CSMD3: variants seen among roughly 807,000 people sequenced by gnomAD.
CSMD3 encodes CUB and Sushi multiple domains 3.
CSMD3 carries 177 observed loss-of-function variants against 435.2 expected under a neutral mutation model. The ratio of observed to expected loss-of-function variants is 0.41; its 90% CI spans 0.36 to 0.46. The LOEUF (loss-of-function observed/expected upper bound fraction) is 0.46, where lower values mean the gene tolerates loss of function less well. Among genes scored for constraint, CSMD3 ranks in the 20% least tolerant of loss-of-function variants. CSMD3 has a pLI of 0.34. For synonymous variants in CSMD3, 1,656 were observed against 1,520.5 expected, an observed-to-expected ratio of 1.09 and a Z score of -2.07; for missense variants, 4,265 against 4,504.6, an observed-to-expected ratio of 0.95 and a Z score of 1.52.
intron 1 of CSMD3, among the ~76,000 whole-genome samples, chr8:113,432,661 G>C (rs2094681851): frequency 6.6e-6 from 1 of 152,174 alleles, no homozygotes; most frequent in Non-Finnish European, 1.5e-5. Flanking sequence ...CCCACTCGTT[G>C]TTTCCCCAAT....
In CSMD3 at chr8:112,750,238, CTATT is replaced by C. The variant is rs1218285014; in HGVS notation, c.1972+49920_1972+49923del. 2.6e-5 allele frequency among the ~76,000 whole-genome samples: 4 copies of C among 151,678 alleles called. No individual in the cohort carries two copies. The East Asian group carries it at 5.8e-4, about 22-fold the overall frequency. Reference sequence around the variant, plus strand: ...GGAATCATAATAAAAAGAAAGATAACTATTGATTGAGAACATAATTTTTAAAATT... The same window carrying C: ...GGAATCATAATAAAAAGAAAGATAACGATTGAGAACATAATTTTTAAAATT... On this transcript the variant is annotated intron_variant, in intron 13 of 70. Coordinates refer to ENST00000297405, the MANE Select transcript of CSMD3 (RefSeq NM_198123.2).
chr8:112,864,221 C>T (rs2080910226), intron 10 of CSMD3, among the ~76,000 whole-genome samples: 1 of 151,338 alleles, frequency 6.6e-6, no homozygotes, highest in Non-Finnish European at 1.5e-5. Context: ...GTATAGGTTT[C>T]TTTCTTTTTT....
intron 29 of CSMD3, among the ~76,000 whole-genome samples, chr8:112,505,457 A>G (rs752486088): frequency 3.9e-5 from 6 of 152,114 alleles, no homozygotes; most frequent in Non-Finnish European, 5.9e-5. Flanking sequence ...TTCCTTTTCT[A>G]TATCTGTTGG....
chr8:113,100,384 C>T (rs930493725), intron 4 of CSMD3, among the ~76,000 whole-genome samples: 2 of 152,010 alleles, frequency 1.3e-5, no homozygotes, highest in African/African-American at 2.4e-5. Context: ...CCTGTCCTGC[C>T]GTCTCTACCC....
At chr8:113,322,967 A>C (rs193159299) in intron 1 of CSMD3, among the ~76,000 whole-genome samples, 240 of 152,164 alleles carry the variant, frequency 1.6e-3, no homozygotes, top group African/African-American at 5.7e-3. Flanking sequence ...GCTGGTCTCA[A>C]ACTCCTGACC....
intron 4 of CSMD3, among the ~76,000 whole-genome samples, chr8:113,170,774 C>G (rs1366125273): frequency 6.6e-6 from 1 of 151,952 alleles, no homozygotes; most frequent in Non-Finnish European, 1.5e-5. Flanking sequence ...TAAATACATA[C>G]AAATCAGTAA....
intron 1 of CSMD3, among the ~76,000 whole-genome samples, chr8:113,334,284 T>TG (rs1554613715): frequency 1.1e-5 from 1 of 91,976 alleles, no homozygotes; most frequent in African/African-American, 3.2e-5. Context: ...TAAGTTTTTT[T>TG]TTTTTTTTTT....
intron 3 of CSMD3, among the ~76,000 whole-genome samples, chr8:113,261,046 T>C (rs2093423207): frequency 6.6e-6 from 1 of 152,182 alleles, no homozygotes; most frequent in African/African-American, 2.4e-5. Flanking sequence ...CATGTGCATG[T>C]GTCTTTACAG....
intron 9 of CSMD3, among the ~76,000 whole-genome samples, chr8:112,925,306 T>C (rs2082874794): frequency 6.6e-6 from 1 of 152,020 alleles, no homozygotes. Flanking sequence ...AAGAATTAAA[T>C]ATTTTCCTCT....
chr8:112,542,519 C>T (rs899216319), intron 27 of CSMD3, among the ~76,000 whole-genome samples: 8 of 151,840 alleles, frequency 5.3e-5, no homozygotes, highest in South Asian at 4.2e-4. Context: ...ACACTAACAA[C>T]GAACTATCTG....
chr8:112,666,720 A>G (rs1028910289), intron 16 of CSMD3, among the ~76,000 whole-genome samples: 1 of 152,150 alleles, frequency 6.6e-6, no homozygotes, highest in African/African-American at 2.4e-5. Context: ...TCATCTTTGT[A>G]TTCAAAGCTT....
intron 13 of CSMD3, among the ~76,000 whole-genome samples, chr8:112,795,328 A>C (rs1325027412): frequency 1.3e-5 from 2 of 152,142 alleles, no homozygotes; most frequent in South Asian, 2.1e-4. Flanking sequence ...GGAAAAAAAA[A>C]CTATGAATAC....
chr8:112,264,042 C>T (rs1235113774), intron 60 of CSMD3, among the ~76,000 whole-genome samples: 2 of 152,194 alleles, frequency 1.3e-5, no homozygotes, highest in African/African-American at 4.8e-5. Flanking sequence ...GTCAGAGATT[C>T]TCTTACAAAA....
At chr8:113,386,630 A>AT in intron 1 of CSMD3, among the ~76,000 whole-genome samples, 1 of 151,936 alleles carries the variant, frequency 6.6e-6, no homozygotes, top group South Asian at 2.1e-4. Context: ...AGATACTGAT[A>AT]TTTTAACCCC....
intron 9 of CSMD3, among the ~76,000 whole-genome samples, chr8:112,928,067 C>T (rs776081796): frequency 5.9e-5 from 9 of 152,104 alleles, no homozygotes; most frequent in Non-Finnish European, 4.4e-5. Flanking sequence ...CAGATAAATT[C>T]TATCACTAGG....
At chr8:112,410,717 TATATATATAGGA>T (rs1811236620) in intron 32 of CSMD3, among the ~76,000 whole-genome samples, 1 of 143,218 alleles carries the variant, frequency 7.0e-6, no homozygotes, top group African/African-American at 2.5e-5. Flanking sequence ...TATATATATG[TATATATATAGGA>T]AAGGTTTTGT....
At chr8:112,709,994 TA>T in intron 13 of CSMD3, among the ~76,000 whole-genome samples, 1 of 152,220 alleles carries the variant, frequency 6.6e-6, no homozygotes, top group East Asian at 1.9e-4. Flanking sequence ...TCTCAAAATT[TA>T]AAAATTCTTC....
chr8:112,654,038 A>C (rs1028217963), intron 18 of CSMD3, among the ~76,000 whole-genome samples: 2 of 151,868 alleles, frequency 1.3e-5, no homozygotes, highest in East Asian at 3.9e-4. Flanking sequence ...GAATGGGGTA[A>C]AAAATATAAC....
intron 3 of CSMD3, among the ~76,000 whole-genome samples, chr8:113,191,300 T>C (rs2131982325): frequency 6.6e-6 from 1 of 151,898 alleles, no homozygotes; most frequent in South Asian, 2.1e-4. Flanking sequence ...CACGGGCATA[T>C]TGTGTGATAC....
Sources: gnomAD v4.1 joint callset for allele counts (sites outside exome capture counted in the v4.1 genomes callset) on GRCh38, gnomAD v4.1.1 for gene constraint, MANE v1.5 for transcripts, NCBI Gene and HGNC (gene_info 2026-07-23, HGNC 2026-07-21) for gene names.